Variants in PLCG2 observed in about 807,000 individuals in gnomAD.
PLCG2 encodes the protein phospholipase C gamma 2.
PLCG2 carries 69 observed loss-of-function variants against 175.6 expected under a neutral mutation model. The observed-to-expected ratio is 0.39, with a 90% CI of 0.32 to 0.48. The LOEUF (loss-of-function observed/expected upper bound fraction) is 0.48, where lower values mean the gene tolerates loss of function less well. Ranked by LOEUF, PLCG2 falls within the 20% of genes least tolerant of loss-of-function variation. The pLI, the probability that PLCG2 is intolerant of heterozygous loss-of-function variation, is 0.91. For synonymous variants in PLCG2, 827 were observed against 624.0 expected (o/e 1.33, Z -4.85); for missense variants, 1,798 against 1,650.9 (o/e 1.09, Z -1.54).
At position 81,894,265 on chromosome 16, in the gene PLCG2, C is replaced by T. The variant is rs114993267; in HGVS notation, c.1072+471C>T. 2.3e-3 allele frequency among the ~76,000 whole-genome samples: 353 copies of T among 151,934 alleles called. 2 individuals are homozygous for T. The highest frequency in any genetic ancestry group is 8.0e-3 in the African/African-American group (331 of 41,382). On this transcript the variant is annotated intron_variant, in intron 12 of 32. Transcript: ENST00000564138. ...GCGACATGGTGAGATCGTATCATTA[C>T]GAAAAGTAAAAAAATTAGCTGTGTG...
intron 14 of PLCG2, among the ~76,000 whole-genome samples, chr16:81,903,582 G>A (rs1290972221): frequency 6.6e-6 from 1 of 152,212 alleles, no homozygotes; most frequent in Non-Finnish European, 1.5e-5. Flanking sequence ...CTGCAGCACT[G>A]TTTGCACCCA....
At chr16:81,936,653 G>C (rs1910727016) in intron 27 of PLCG2, among the ~76,000 whole-genome samples, 1 of 152,184 alleles carries the variant, frequency 6.6e-6, no homozygotes, top group African/African-American at 2.4e-5. Flanking sequence ...AAATGCATTA[G>C]TTCATGTAAT....
At chr16:81,796,211 C>G (rs750280063) in intron 2 of PLCG2, among the ~76,000 whole-genome samples, 1 of 152,270 alleles carries the variant, frequency 6.6e-6, no homozygotes, top group Admixed American at 6.5e-5. Flanking sequence ...ACAGCCTCAT[C>G]TGCCCTCTTG....
At chr16:81,818,337 TTA>T (rs1029258169) in intron 2 of PLCG2, among the ~76,000 whole-genome samples, 70 of 152,290 alleles carry the variant, frequency 4.6e-4, no homozygotes, top group African/African-American at 1.5e-3. Context: ...CATATGGTGG[TTA>T]TTTATATTTA....
intron 22 of PLCG2, among the ~76,000 whole-genome samples, chr16:81,925,671 T>C (rs1910235341): frequency 6.6e-6 from 1 of 152,152 alleles, no homozygotes; most frequent in Non-Finnish European, 1.5e-5. Context: ...GTGGCTCACT[T>C]GAGGTCAGGA....
At chr16:81,827,257 G>A (rs924074799) in intron 2 of PLCG2, among the ~76,000 whole-genome samples, 3 of 151,138 alleles carry the variant, frequency 2.0e-5, no homozygotes, top group Non-Finnish European at 2.9e-5. Context: ...TGCCACTATC[G>A]CTCACTGCAG....
chr16:81,859,254 C>A, intron 5 of PLCG2, 91 bp downstream of exon 5: 1 of 835,262 alleles, frequency 1.2e-6, no homozygotes, highest in South Asian at 1.4e-5. Context: ...CATGACTTGT[C>A]GGGAGCAAGG....
chr16:81,928,505 CT>C (rs1234567327), intron 23 of PLCG2, 52 bp from the exon 24 acceptor site: 17 of 1,183,104 alleles, frequency 1.4e-5, no homozygotes, highest in Non-Finnish European at 2.2e-5. Context: ...AACGGGTTTT[CT>C]TTTTATTATT....
rs150514186 is a variant in PLCG2 at position 81,746,917 on chromosome 16, T to C, written c.-145+7532T>C. On this transcript the variant is annotated intron_variant, in intron 1 of 5. Transcript: ENST00000565054. ...GGGGGACTTTGTCATATTTTGGGAG[T>C]TGTAATTTCATTAAATTCCAGCCAA... Among the ~76,000 whole-genome samples, 589 of 152,160 alleles carry C rather than the reference T, an allele frequency of 3.9e-3. 4 individuals carry two copies. Among genetic ancestry groups the C allele is most frequent in the African/African-American group, 0.014 (561 of 41,500 alleles).
chr16:81,846,974 C>T (rs1044761651), intron 2 of PLCG2, among the ~76,000 whole-genome samples: 2 of 152,276 alleles, frequency 1.3e-5, no homozygotes, highest in African/African-American at 4.8e-5. Context: ...AATTCTGATA[C>T]TATCTACTTG....
chr16:81,746,170 G>A (rs34971488), intron 1 of PLCG2, among the ~76,000 whole-genome samples: 24,003 of 152,158 alleles, frequency 0.16, 2,294 homozygotes, highest in Middle Eastern at 0.29. Flanking sequence ...AGGGCACTGT[G>A]GCACAAACAA....
chr16:81,908,934 G>T (rs1909498591), intron 17 of PLCG2, among the ~76,000 whole-genome samples: 1 of 152,248 alleles, frequency 6.6e-6, no homozygotes, highest in African/African-American at 2.4e-5. Context: ...CAGCCCTGGA[G>T]TGGGTCATGT....
chr16:81,803,582 C>CTTTCCTTTCT (rs1388648837), intron 2 of PLCG2, among the ~76,000 whole-genome samples: 13 of 140,986 alleles, frequency 9.2e-5, no homozygotes, highest in African/African-American at 2.4e-4. Flanking sequence ...CTTTCCTTTC[C>CTTTCCTTTCT]TTTCTTTTCT....
At chr16:81,835,762 G>A (rs1905480527) in intron 2 of PLCG2, among the ~76,000 whole-genome samples, 3 of 152,174 alleles carry the variant, frequency 2.0e-5, no homozygotes, top group Admixed American at 2.0e-4. Context: ...AAATCAAGGT[G>A]TTGGTAGGGC....
chr16:81,897,512 G>T (rs1273934147), intron 13 of PLCG2, among the ~76,000 whole-genome samples: 1 of 151,358 alleles, frequency 6.6e-6, no homozygotes, highest in Non-Finnish European at 1.5e-5. Context: ...CAATAAGATC[G>T]ATTATTTTTT....
intron 1 of PLCG2, among the ~76,000 whole-genome samples, chr16:81,742,328 A>C (rs1368511235): frequency 6.6e-6 from 1 of 152,124 alleles, no homozygotes; most frequent in East Asian, 1.9e-4. Flanking sequence ...GAAGGGCCTG[A>C]CTGGGATGAG....
intron 17 of PLCG2, among the ~76,000 whole-genome samples, chr16:81,910,248 G>A (rs1331511813): frequency 2.0e-5 from 3 of 152,098 alleles, no homozygotes; most frequent in East Asian, 3.9e-4. Flanking sequence ...GCACCACCAT[G>A]CCCAGCTAAT....
intron 1 of PLCG2, among the ~76,000 whole-genome samples, chr16:81,745,275 T>A (rs1168598069): frequency 2.6e-5 from 4 of 152,158 alleles, no homozygotes; most frequent in Non-Finnish European, 5.9e-5. Context: ...TGCTGACCCA[T>A]GAGAGGTAAG....
intron 2 of PLCG2, among the ~76,000 whole-genome samples, chr16:81,833,499 GT>G (rs1235833354): frequency 1.9e-3 from 246 of 129,092 alleles, no homozygotes; most frequent in East Asian, 4.5e-3. Context: ...ACTCCTGCCT[GT>G]TTTTTTTTTT....
Sources: gnomAD v4.1 joint callset for allele counts (sites outside exome capture counted in the v4.1 genomes callset) on GRCh38, gnomAD v4.1.1 for gene constraint, MANE v1.5 for transcripts, NCBI Gene and HGNC (gene_info 2026-07-23, HGNC 2026-07-21) for gene names.